The following NRXN1 variants were observed in gnomAD, a reference collection of about 807,000 sequenced individuals.
The protein encoded by NRXN1 is neurexin 1, also known as neurexin-1.
Under a neutral mutation model 150.9 loss-of-function variants are expected in NRXN1, and 39 were observed. The ratio of observed to expected loss-of-function variants is 0.26; its 90% CI spans 0.20 to 0.34. NRXN1 has a LOEUF of 0.34. Ranked by LOEUF, NRXN1 falls within the 10% of genes least tolerant of loss-of-function variation. The pLI is 1.00. For synonymous variants in NRXN1, 924 were observed against 757.0 expected (o/e 1.22, Z -3.62); for missense variants, 1,815 against 1,949.9 (o/e 0.93, Z 1.30).
chr2:50,447,741 A>T (rs1264751853), intron 17 of NRXN1, among the ~76,000 whole-genome samples: 1 of 39,250 alleles, frequency 2.5e-5, no homozygotes, highest in East Asian at 2.4e-3. Context: ...GGAACGTTAT[A>T]TATATATATA....
chr2:50,408,510 T>C (rs1173532855), intron 17 of NRXN1, among the ~76,000 whole-genome samples: 1 of 152,210 alleles, frequency 6.6e-6, no homozygotes, highest in African/African-American at 2.4e-5. Context: ...CACTCTGCAC[T>C]ACTTCCTCTT....
intron 18 of NRXN1, among the ~76,000 whole-genome samples, chr2:50,228,574 T>C (rs1344670120): frequency 6.6e-6 from 1 of 152,002 alleles, no homozygotes; most frequent in Non-Finnish European, 1.5e-5. Context: ...AAGTCTGGGA[T>C]GGAGATGTGT....
intron 5 of NRXN1, among the ~76,000 whole-genome samples, chr2:50,910,375 AAAAG>A (rs1477754407): frequency 6.6e-6 from 1 of 151,974 alleles, no homozygotes; most frequent in Non-Finnish European, 1.5e-5. Context: ...CCCCATAGCT[AAAAG>A]AGATTTTTAG....
At chr2:50,119,778 T>C (rs1013817388) in intron 18 of NRXN1, among the ~76,000 whole-genome samples, 1 of 152,166 alleles carries the variant, frequency 6.6e-6, no homozygotes, top group Admixed American at 6.5e-5. Flanking sequence ...ACCTAAACTA[T>C]CTGTTTTAGT....
intron 18 of NRXN1, among the ~76,000 whole-genome samples, chr2:50,217,713 C>A (rs964309497): frequency 6.6e-6 from 1 of 152,006 alleles, no homozygotes. Flanking sequence ...ATCTTTCCAA[C>A]CCAGAGTCCT....
chr2:50,829,729 C>A (rs529594590), intron 5 of NRXN1: 9 of 1,589,608 alleles, frequency 5.7e-6, no homozygotes, highest in African/African-American at 5.4e-5. Context: ...CCACGGTTGG[C>A]AGCGCCCAAG....
At position 50,097,547 on chromosome 2, in the gene NRXN1, T is replaced by C. The variant is rs1700392487; in HGVS notation, c.3547-6053A>G. Among the ~76,000 whole-genome samples the C allele has an allele frequency of 2.6e-5, 4 of 152,290 alleles. 1 individual carries two copies. In the South Asian group the frequency reaches 8.3e-4, roughly 32 times the overall value. On this transcript the variant is annotated intron_variant, in intron 18 of 22. Transcript: ENST00000401669. The stretch of plus-strand genomic sequence containing the variant: ...AGTCTGGAGCCTATAGTCACAGTTG[T>C]TGGACTATGCAACACTGCAGACAGT...
chr2:50,653,622 A>T (rs1242266857), intron 5 of NRXN1, among the ~76,000 whole-genome samples: 2 of 152,094 alleles, frequency 1.3e-5, no homozygotes, highest in Admixed American at 1.3e-4. Flanking sequence ...AGGCAGGAAA[A>T]TTGAATTTTT....
intron 12 of NRXN1, among the ~76,000 whole-genome samples, chr2:50,511,754 T>C (rs1390151168): frequency 6.6e-6 from 1 of 152,122 alleles, no homozygotes; most frequent in Non-Finnish European, 1.5e-5. Flanking sequence ...CAAGTATATG[T>C]GTGTATGTGG....
intron 5 of NRXN1, among the ~76,000 whole-genome samples, chr2:50,769,662 A>G (rs565015782): frequency 1.3e-5 from 2 of 152,096 alleles, no homozygotes; most frequent in Non-Finnish European, 2.9e-5. Flanking sequence ...GGCTACAAGG[A>G]AATTCTACCT....
At chr2:50,595,556 C>T (rs1298413198) in intron 8 of NRXN1, among the ~76,000 whole-genome samples, 4 of 152,094 alleles carry the variant, frequency 2.6e-5, no homozygotes, top group Non-Finnish European at 4.4e-5. Context: ...AAAGATGCCA[C>T]GGTCAGCATT....
At chr2:50,195,417 G>C (rs1055066271) in intron 18 of NRXN1, among the ~76,000 whole-genome samples, 4 of 152,112 alleles carry the variant, frequency 2.6e-5, no homozygotes, top group Non-Finnish European at 5.9e-5. Context: ...TCTGCATTTT[G>C]TGCTAAATTT....
chr2:50,660,612 T>G (rs1574005322), intron 5 of NRXN1, among the ~76,000 whole-genome samples: 1 of 152,150 alleles, frequency 6.6e-6, no homozygotes, highest in East Asian at 1.9e-4. Flanking sequence ...AATGTGTAGC[T>G]TGCAGTTAGA....
chr2:50,086,685 T>A (rs1698815667), intron 19 of NRXN1, among the ~76,000 whole-genome samples: 2 of 152,142 alleles, frequency 1.3e-5, no homozygotes, highest in South Asian at 4.1e-4. Flanking sequence ...AATAATAATG[T>A]CTTTGACTTC....
Position 50,769,481 on chromosome 2 carries a change from G to T in NRXN1, c.833-145866C>A, listed in dbSNP as rs538574479. Reference sequence around the variant, plus strand: ...TAAACTCAGTCAAAAACAATTCACAGGTTAGAGGAGGTTTAAAAGAGATGG... The same window carrying T: ...TAAACTCAGTCAAAAACAATTCACATGTTAGAGGAGGTTTAAAAGAGATGG... On this transcript the variant is annotated intron_variant, in intron 5 of 22. Transcript: ENST00000401669. Among the ~76,000 whole-genome samples, 23 of 152,172 alleles carry T rather than the reference G, an allele frequency of 1.5e-4. No homozygotes were observed. The East Asian group carries it at 4.5e-3, about 29-fold the overall frequency.
At chr2:50,698,773 T>C (rs1045604125) in intron 5 of NRXN1, among the ~76,000 whole-genome samples, 1 of 152,184 alleles carries the variant, frequency 6.6e-6, no homozygotes, top group Non-Finnish European at 1.5e-5. Flanking sequence ...CAGTTAAAAT[T>C]GCCCTCAAAG....
chr2:50,596,396 T>C (rs1303526958), intron 8 of NRXN1, among the ~76,000 whole-genome samples: 6 of 152,254 alleles, frequency 3.9e-5, no homozygotes, highest in African/African-American at 1.4e-4. Flanking sequence ...GCATCTTCTA[T>C]GTGGTTCTTT....
At chr2:50,865,759 G>T (rs1162298947) in intron 5 of NRXN1, among the ~76,000 whole-genome samples, 1 of 143,058 alleles carries the variant, frequency 7.0e-6, no homozygotes, top group Admixed American at 7.3e-5. Context: ...TTGGTGGTGG[G>T]GGGATGTACA....
chr2:50,119,068 T>C (rs184906270), intron 18 of NRXN1, among the ~76,000 whole-genome samples: 8 of 152,138 alleles, frequency 5.3e-5, no homozygotes, highest in Admixed American at 2.6e-4. Flanking sequence ...CTCACGTCTC[T>C]GTAAGAGCTT....
Sources: allele counts gnomAD v4.1 joint callset (sites outside exome capture counted in the v4.1 genomes callset), GRCh38; gene constraint gnomAD v4.1.1; transcripts MANE v1.5; gene names NCBI Gene and HGNC (gene_info 2026-07-23, HGNC 2026-07-21).